ARB2A: variants seen among roughly 807,000 people sequenced by gnomAD.
ARB2A encodes ARB2 cotranscriptional regulator A, also known as cotranscriptional regulator ARB2A.
the ARB2A span, among the ~76,000 whole-genome samples, chr5:93,651,393 C>T: frequency 1.4e-4 from 21 of 152,286 alleles, no homozygotes; most frequent in African/African-American, 5.1e-4. Flanking sequence ...GCCACTGCCT[C>T]CCAAAGTGCT....
the ARB2A span, among the ~76,000 whole-genome samples, chr5:93,948,850 A>C: frequency 2.6e-5 from 4 of 152,208 alleles, no homozygotes; most frequent in African/African-American, 9.6e-5. Context: ...CTGGCATTAC[A>C]GGCACTAGCC....
At chr5:93,713,280 G>A in the ARB2A span, among the ~76,000 whole-genome samples, 3 of 152,030 alleles carry the variant, frequency 2.0e-5, no homozygotes, top group African/African-American at 7.2e-5. Flanking sequence ...CAGAATGGGA[G>A]AAAATATCTG....
At chr5:93,921,157 TAA>T in the ARB2A span, among the ~76,000 whole-genome samples, 22 of 124,106 alleles carry the variant, frequency 1.8e-4, no homozygotes, top group Admixed American at 3.3e-4. Flanking sequence ...AAGACCATGT[TAA>T]AAAAAAAAAA....
At chr5:93,762,043 C>T in the ARB2A span, among the ~76,000 whole-genome samples, 1 of 151,512 alleles carries the variant, frequency 6.6e-6, no homozygotes, top group Non-Finnish European at 1.5e-5. Context: ...ACACCAAAAC[C>T]CCATCTGTAC....
chr5:93,674,670 G>A, the ARB2A span, among the ~76,000 whole-genome samples: 2 of 152,174 alleles, frequency 1.3e-5, no homozygotes, highest in African/African-American at 4.8e-5. Flanking sequence ...TGGGGGTAGA[G>A]AAGGAGGCCT....
chr5:94,053,493 G>C, the ARB2A span, among the ~76,000 whole-genome samples: 1 of 151,998 alleles, frequency 6.6e-6, no homozygotes, highest in Non-Finnish European at 1.5e-5. Context: ...CTTCAAAATA[G>C]ACAGCTATTA....
At chr5:93,696,183 T>C in the ARB2A span, among the ~76,000 whole-genome samples, 1 of 152,122 alleles carries the variant, frequency 6.6e-6, no homozygotes, top group Non-Finnish European at 1.5e-5. Context: ...TTAAGGTATC[T>C]ATAAAAAAAC....
the ARB2A span, among the ~76,000 whole-genome samples, chr5:94,105,472 G>A: frequency 4.6e-5 from 7 of 151,510 alleles, no homozygotes; most frequent in African/African-American, 1.7e-4. Context: ...AAATGTTGCT[G>A]AAGAAATCGG....
At chr5:93,654,873 T>C in the ARB2A span, among the ~76,000 whole-genome samples, 1 of 152,370 alleles carries the variant, frequency 6.6e-6, no homozygotes, top group East Asian at 1.9e-4. Flanking sequence ...ATGTTAGTCA[T>C]AGCTTCAGAT....
chr5:94,016,030 C>T, the ARB2A span, among the ~76,000 whole-genome samples: 2 of 152,252 alleles, frequency 1.3e-5, no homozygotes, highest in East Asian at 3.9e-4. Context: ...CAATTATATA[C>T]TGTCTACAAC....
At chr5:93,912,091 CA>C in the ARB2A span, among the ~76,000 whole-genome samples, 2 of 151,522 alleles carry the variant, frequency 1.3e-5, no homozygotes, top group Non-Finnish European at 3.0e-5. Flanking sequence ...CTAAAAAAAT[CA>C]ATTCTAGATT....
the ARB2A span, among the ~76,000 whole-genome samples, chr5:93,811,992 G>T: frequency 6.6e-6 from 1 of 152,098 alleles, no homozygotes; most frequent in Admixed American, 6.6e-5. Flanking sequence ...AGCAATGACA[G>T]AATTCTATGA....
the ARB2A span, among the ~76,000 whole-genome samples, chr5:93,937,909 G>C: frequency 6.6e-6 from 1 of 152,076 alleles, no homozygotes; most frequent in Non-Finnish European, 1.5e-5. Flanking sequence ...AAGGAAAAAA[G>C]TCTGTATATA....
the ARB2A span, among the ~76,000 whole-genome samples, chr5:93,700,060 C>T: frequency 3.5e-4 from 53 of 151,876 alleles, no homozygotes; most frequent in African/African-American, 1.2e-3. Context: ...AAGACATAAA[C>T]GGAAGAATAA....
At chr5:94,053,420 A>G in the ARB2A span, among the ~76,000 whole-genome samples, 7 of 152,182 alleles carry the variant, frequency 4.6e-5, no homozygotes, top group African/African-American at 9.6e-5. Context: ...AGCACCTTGA[A>G]AATCATAATT....
the ARB2A span, among the ~76,000 whole-genome samples, chr5:93,645,945 G>T: frequency 6.6e-6 from 1 of 152,172 alleles, no homozygotes; most frequent in Admixed American, 6.5e-5. Flanking sequence ...TTCATTAAAA[G>T]TCAGTTTTAG....
At chr5:93,822,954 G>C in the ARB2A span, among the ~76,000 whole-genome samples, 2 of 152,102 alleles carry the variant, frequency 1.3e-5, no homozygotes, top group African/African-American at 2.4e-5. Context: ...ACTAAATCAA[G>C]TGGGTAAGCA....
At chr5:93,635,756 T>C in the ARB2A span, among the ~76,000 whole-genome samples, 1 of 152,194 alleles carries the variant, frequency 6.6e-6, no homozygotes, top group Non-Finnish European at 1.5e-5. Flanking sequence ...TATTAACTTA[T>C]CGTGTACTTG....
chr5:93,935,670 T>C, the ARB2A span, among the ~76,000 whole-genome samples: 2 of 152,202 alleles, frequency 1.3e-5, no homozygotes, highest in African/African-American at 4.8e-5. Flanking sequence ...GTTAATTATG[T>C]CCAAAGAGAA....
Sources: allele counts gnomAD v4.1 joint callset (sites outside exome capture counted in the v4.1 genomes callset), GRCh38; gene constraint gnomAD v4.1.1; transcripts MANE v1.5; gene names NCBI Gene and HGNC (gene_info 2026-07-23, HGNC 2026-07-21).